Variants in WDR97 observed in about 807,000 individuals in gnomAD.
The protein encoded by WDR97 is WD repeat-containing protein 97.
WDR97 carries 111 observed loss-of-function variants against 65.4 expected under a neutral mutation model. The observed-to-expected ratio is 1.70, with a 90% CI of 1.45 to 1.99. The LOEUF (loss-of-function observed/expected upper bound fraction) is 1.99. Ranked by LOEUF, WDR97 falls within the 30% of genes most tolerant of loss-of-function variation. WDR97 has a pLI of 0.00. For synonymous variants in WDR97, 802 were observed against 397.7 expected, an observed-to-expected ratio of 2.02 and a Z score of -12.10; for missense variants, 1,674 against 865.0, an observed-to-expected ratio of 1.94 and a Z score of -11.73.
Position 144,109,397 on chromosome 8 carries a change from G to T in WDR97, c.1063G>T (p.Gly355Trp), listed in dbSNP as rs978124481. 2.8e-6 allele frequency: 2 copies of T among 702,446 alleles called. No individual in the cohort carries two copies. The highest frequency in any genetic ancestry group is 1.5e-5 in the South Asian group (1 of 67,600). The allele number at this position is 702,446 out of a possible 1,614,324, so 43.5% of individuals were successfully genotyped here. Residue 355 changes from glycine to tryptophan, a missense_variant, in exon 5 of 24, where the codon GGG (glycine) becomes TGG (tryptophan). Transcript: ENST00000323662. ...TTLVLSASQD[G>W]TLRTWDLQAA... ...CCTGGTGTTGTCGGCCTCGCAGGAC[G>T]GGACGCTACGCACCTGGGACCTGCA...
chr8:144,116,491 G>T lies in WDR97; in HGVS notation c.*198G>T. On this transcript the variant is annotated 3_prime_UTR_variant, in exon 24 of 24. Transcript: ENST00000323662. ...GGAAGGCAGGAGCCGGAGGCCTGGC[G>T]GAGGTGGCCATCGTGGGCACCAGCG... 2.0e-6 allele frequency: 1 copy of T among 500,840 alleles called. No homozygotes were observed. The highest frequency in any genetic ancestry group is 3.4e-5 in the South Asian group (1 of 29,012). 31.0% of individuals were successfully genotyped at this position (500,840 alleles called of 1,614,324 possible). A position where few individuals can be genotyped will look rare whatever the true frequency, so the allele number is the denominator to read the frequency against.
At chr8:144,113,202 G>C in intron 15 of WDR97, 1 of 565,640 alleles carries the variant, frequency 1.8e-6, no homozygotes, top group South Asian at 2.4e-5. Flanking sequence ...ACTTCTCCAG[G>C]TTTCCCTTCT....
At position 144,115,721 on chromosome 8, in the gene WDR97, G is replaced by A. The variant is rs988078017; in HGVS notation, c.4458G>A (p.Ala1486=). The A allele has an allele frequency of 2.9e-6, 2 of 701,578 alleles. No individual in the cohort carries two copies. The highest frequency in any genetic ancestry group is 5.2e-6 in the Non-Finnish European group (2 of 384,522). The allele number at this position is 701,578 out of a possible 1,614,324, so 43.5% of individuals were successfully genotyped here. ...TGCTGGACTTGGGCCCCATCGACGC[G>A]CTCAACTTCTTCTGTGAGCAGCTGC... ...SQLLDLGPID[A]LNFFCEQLRA... The change falls in exon 22 of 24, where the codon GCG becomes GCA. Residue 1486 remains alanine, a synonymous_variant. Transcript: ENST00000323662.
chr8:144,118,259 C>G lies in WDR97; in HGVS notation c.*1966C>G, dbSNP rs1340994811. ...TGAACCCAGGAGGTGGAGGTTGCAG[C>G]AAGCAGAGATCACACCACTGCACTA... On this transcript the variant is annotated 3_prime_UTR_variant, in exon 24 of 24. Coordinates refer to ENST00000323662, the MANE Select transcript of WDR97 (RefSeq NM_001316309.2). 6.8e-6 allele frequency: 1 copy of G among 147,938 alleles called. No homozygotes were observed. Among genetic ancestry groups the G allele is most frequent in the Non-Finnish European group, 1.5e-5 (1 of 67,044 alleles). 9.2% of individuals were successfully genotyped at this position (147,938 alleles called of 1,614,324 possible).
Position 144,110,499 on chromosome 8 carries a change from G to T in WDR97, c.2002G>T (p.Gly668Cys), listed in dbSNP as rs1384644277. ...GFEDPDSATY[G>C]LVQFGLGDSP... ...TGAGGACCCAGACAGCGCTACCTACGGCCTGGTGCAGTTTGGCCTGGGCGA... is the reference window on the plus strand; with the variant it reads ...TGAGGACCCAGACAGCGCTACCTACTGCCTGGTGCAGTTTGGCCTGGGCGA... The change falls in exon 7 of 24, where the codon GGC (glycine) becomes TGC (cysteine). Residue 668 changes from glycine (G) to cysteine (C), a missense_variant. Coordinates refer to ENST00000323662, the MANE Select transcript of WDR97 (RefSeq NM_001316309.2). 2.3e-5 allele frequency: 16 copies of T among 702,868 alleles called. No homozygotes were observed. The East Asian group carries it at 3.5e-4, about 15-fold the overall frequency. The allele number at this position is 702,868 out of a possible 1,614,324, so 43.5% of individuals were successfully genotyped here.
At position 144,109,840 on chromosome 8, in the gene WDR97, C is replaced by G. The variant is rs774171677; in HGVS notation, c.1506C>G (p.Asn502Lys). ...GGGCTGGGCACCTGGTCCGCGCCAA[C>G]GCGGCGCGCTGCCCCATGAGCGTGC... ...LTRAGHLVRA[N>K]AARCPMSVLH... is the part of the protein sequence containing the mutation. The change falls in exon 5 of 24, where the codon AAC becomes AAG. Residue 502 changes from asparagine to lysine, a missense_variant. Transcript: ENST00000323662. 4.3e-6 allele frequency: 3 copies of G among 692,640 alleles called. No homozygotes were observed. Among genetic ancestry groups the G allele is most frequent in the East Asian group, 2.7e-5 (1 of 36,806 alleles). 42.9% of individuals were successfully genotyped at this position (692,640 alleles called of 1,614,324 possible).
At position 144,109,810 on chromosome 8, in the gene WDR97, G is replaced by C. The variant is rs1245975566; in HGVS notation, c.1476G>C (p.Leu492=). ...TGCCGCGCGAGGCGCTGTGGCTGCT[G>C]ACCAGGGCTGGGCACCTGGTCCGCG... ...YCLPREALWL[L]TRAGHLVRAN... is the part of the protein sequence containing the mutation. The change falls in exon 5 of 24, where the codon CTG becomes CTC. Residue 492 remains leucine (L), a synonymous_variant. Transcript: ENST00000323662. 1 of 679,040 alleles carries C rather than the reference G, an allele frequency of 1.5e-6. No homozygotes were observed. Among genetic ancestry groups the C allele is most frequent in the Non-Finnish European group, 2.7e-6 (1 of 375,830 alleles). 42.1% of individuals were successfully genotyped at this position (679,040 alleles called of 1,614,324 possible).
At position 144,108,907 on chromosome 8, in the gene WDR97, T is replaced by A; in HGVS notation, c.841T>A (p.Trp281Arg). ...SAVLTFDLHAWTLVDVRRDLH... is the reference protein window; with the variant it reads ...SAVLTFDLHARTLVDVRRDLH... ...CGTGCTCACCTTCGATCTGCATGCC[T>A]GGACTCTCGTAGATGTGCGCCGGGA... The change falls in exon 3 of 24, where the codon TGG becomes AGG. Residue 281 changes from tryptophan (W) to arginine (R), a missense_variant. Coordinates refer to ENST00000323662, the MANE Select transcript of WDR97 (RefSeq NM_001316309.2). The A allele has an allele frequency of 1.4e-6, 1 of 702,932 alleles. No homozygotes were observed. The allele number at this position is 702,932 out of a possible 1,614,324, so 43.5% of individuals were successfully genotyped here.
rs889017436 is a variant in WDR97, at chr8:144,110,705, G to A, written c.2137G>A (p.Val713Ile). ...TGCCTGCTCCAGCCTGGACTGCACC[G>A]TTCGCATCTGGACTGCTGAGAACCG... ...LYACSSLDCTVRIWTAENRLL... is the reference protein window; with the variant it reads ...LYACSSLDCTIRIWTAENRLL... The change falls in exon 8 of 24, where the codon GTT (valine) becomes ATT (isoleucine). Residue 713 changes from valine to isoleucine, a missense_variant. Coordinates refer to ENST00000323662, the MANE Select transcript of WDR97 (RefSeq NM_001316309.2). The A allele has an allele frequency of 1.9e-5, 13 of 701,440 alleles. No homozygotes were observed. Among genetic ancestry groups the A allele is most frequent in the African/African-American group, 1.6e-4 (9 of 57,274 alleles). 43.5% of individuals were successfully genotyped at this position (701,440 alleles called of 1,614,324 possible). A position where few individuals can be genotyped will look rare whatever the true frequency, so the allele number is the denominator to read the frequency against.
At position 144,116,287 on chromosome 8, in the gene WDR97, C is replaced by T. The variant is rs1489451856; in HGVS notation, c.4863C>T (p.Tyr1621=). The T allele has an allele frequency of 6.4e-6, 4 of 629,462 alleles. No individual in the cohort carries two copies. The Admixed American group carries it at 7.7e-5, about 12-fold the overall frequency. 39.0% of individuals were successfully genotyped at this position (629,462 alleles called of 1,614,324 possible). The change falls in exon 24 of 24, where the codon TAC becomes TAT. Residue 1621 remains tyrosine, a synonymous_variant. Transcript: ENST00000323662. The part of the protein sequence containing the change: ...FLPADADPDT[Y]S ...CAGCGGACGCGGACCCTGACACCTA[C>T]AGCTGACCGGACTGGTGGCCTCAGC...
At chr8:144,108,255 G>C in intron 2 of WDR97, 60 bp downstream of exon 2, 2 of 694,752 alleles carry the variant, frequency 2.9e-6, no homozygotes, top group Non-Finnish European at 5.3e-6. Context: ...TTCCCTTAGG[G>C]GTCCCCTAGG....
At chr8:144,115,915 C>G (rs1458422462) in intron 22 of WDR97, 28 bp from the exon 23 acceptor site, 6 of 700,756 alleles carry the variant, frequency 8.6e-6, no homozygotes, top group Non-Finnish European at 1.3e-5. Flanking sequence ...TGGGGCTGGG[C>G]CAGCTGAACC....
Position 144,107,762 on chromosome 8 carries a change from G to A in WDR97, c.12G>A (p.Glu4=). 1 of 702,840 alleles carries A rather than the reference G, an allele frequency of 1.4e-6. No homozygotes were observed. Among genetic ancestry groups the A allele is most frequent in the Non-Finnish European group, 2.6e-6 (1 of 384,982 alleles). 43.5% of individuals were successfully genotyped at this position (702,840 alleles called of 1,614,324 possible). Residue 4 remains glutamate (E), a synonymous_variant, in exon 1 of 24, where the codon GAG becomes GAA. Transcript: ENST00000323662. MEA[E]VWEAEGYNLV... The stretch of plus-strand genomic sequence containing the variant: ...CCGCAGTTGCTGAAATGGAGGCAGA[G>A]GTGTGGGAGGCAGAAGGCTACAACC...
Position 144,114,732 on chromosome 8 carries a change from A to G in WDR97, c.3915-17A>G. On this transcript the variant is annotated splice_polypyrimidine_tract_variant and intron_variant, in intron 20 of 23. Transcript: ENST00000323662. Reference sequence around the variant, plus strand: ...CACTGGGAAGGCCTCTGGACAAGCCACATGCACCTGTCCCAGGCCAGAGCT... The same window carrying G: ...CACTGGGAAGGCCTCTGGACAAGCCGCATGCACCTGTCCCAGGCCAGAGCT... 1.4e-6 allele frequency: 1 copy of G among 702,134 alleles called. No individual in the cohort carries two copies. Among genetic ancestry groups the G allele is most frequent in the Non-Finnish European group, 2.6e-6 (1 of 384,564 alleles). The allele number at this position is 702,134 out of a possible 1,614,324, so 43.5% of individuals were successfully genotyped here.
At position 144,116,504 on chromosome 8, in the gene WDR97, G is replaced by T. The variant is rs1307394781; in HGVS notation, c.*211G>T. 4 of 498,582 alleles carry T rather than the reference G, an allele frequency of 8.0e-6. No homozygotes were observed. The East Asian group carries it at 9.9e-5, about 12-fold the overall frequency. The allele number at this position is 498,582 out of a possible 1,614,324, so 30.9% of individuals were successfully genotyped here. Reference sequence around the variant, plus strand: ...CGGAGGCCTGGCGGAGGTGGCCATCGTGGGCACCAGCGTTCCCGGAGGGGT... The same window carrying T: ...CGGAGGCCTGGCGGAGGTGGCCATCTTGGGCACCAGCGTTCCCGGAGGGGT... On this transcript the variant is annotated 3_prime_UTR_variant, in exon 24 of 24. Transcript: ENST00000323662.
chr8:144,108,348 G>A lies in WDR97; in HGVS notation c.282G>A (p.Leu94=), dbSNP rs1836460322. 1 of 695,136 alleles carries A rather than the reference G, an allele frequency of 1.4e-6. No homozygotes were observed. The highest frequency in any genetic ancestry group is 2.4e-4 in the Middle Eastern group (1 of 4,112). The allele number at this position is 695,136 out of a possible 1,614,324, so 43.1% of individuals were successfully genotyped here. ...EKRAELRAAR[L]THGLEPLRRL... is the part of the protein sequence containing the mutation. ...GAGCCGAGCTGCGCGCGGCGCGCCT[G>A]ACGCATGGGCTGGAACCACTGCGCC... Residue 94 remains leucine (L), a synonymous_variant, in exon 3 of 24, where the codon CTG becomes CTA. Transcript: ENST00000323662.
rs1247053318 is a variant in WDR97, at chr8:144,110,110, G to C, written c.1701-4G>C. The C allele has an allele frequency of 4.3e-6, 3 of 702,090 alleles. No individual in the cohort carries two copies. The highest frequency in any genetic ancestry group is 1.5e-5 in the South Asian group (1 of 67,548). 43.5% of individuals were successfully genotyped at this position (702,090 alleles called of 1,614,324 possible). ...CCGCGCCAACAGGCTCTTCCCACTC[G>C]CAGGTACCTGCCAGTGGTGGGGCAC... On this transcript the variant is annotated splice_region_variant and splice_polypyrimidine_tract_variant and intron_variant, in intron 5 of 23. Coordinates refer to ENST00000323662, the MANE Select transcript of WDR97 (RefSeq NM_001316309.2).
rs1324505227 is a variant in WDR97, at chr8:144,113,965, C to T, written c.3409-12C>T. 1.4e-6 allele frequency: 1 copy of T among 700,246 alleles called. No homozygotes were observed. The highest frequency in any genetic ancestry group is 2.6e-6 in the Non-Finnish European group (1 of 383,324). 43.4% of individuals were successfully genotyped at this position (700,246 alleles called of 1,614,324 possible). ...AGACAGGTGGGACCTGCAGCCACTG[C>T]TGCTCCCCTAGAGTGCTGTGGACTG... On this transcript the variant is annotated splice_polypyrimidine_tract_variant and intron_variant, in intron 17 of 23. Transcript: ENST00000323662.
In WDR97 at chr8:144,116,258, C is replaced by G; in HGVS notation, c.4834C>G (p.Leu1612Val). Residue 1612 changes from leucine (L) to valine (V), a missense_variant, in exon 24 of 24, where the codon CTG (leucine) becomes GTG (valine). Transcript: ENST00000323662. ...LLQPALQRYF[L>V]PADADPDTYS is the part of the protein sequence containing the mutation. ...GCAGCCGGCCCTGCAGCGCTACTTTCTGCCAGCGGACGCGGACCCTGACAC... is the reference window on the plus strand; with the variant it reads ...GCAGCCGGCCCTGCAGCGCTACTTTGTGCCAGCGGACGCGGACCCTGACAC... 1 of 665,594 alleles carries G rather than the reference C, an allele frequency of 1.5e-6. No individual in the cohort carries two copies. Among genetic ancestry groups the G allele is most frequent in the East Asian group, 2.7e-5 (1 of 36,524 alleles). The allele number at this position is 665,594 out of a possible 1,614,324, so 41.2% of individuals were successfully genotyped here.
Sources: allele counts gnomAD v4.1 joint callset, GRCh38; gene constraint gnomAD v4.1.1; transcripts MANE v1.5; gene names NCBI Gene and HGNC (gene_info 2026-07-23, HGNC 2026-07-21).